NKAIN2: variants seen among roughly 807,000 people sequenced by gnomAD.
The protein encoded by NKAIN2 is sodium/potassium transporting ATPase interacting 2.
Under a neutral mutation model 32.6 loss-of-function variants are expected in NKAIN2, and 14 were observed. The ratio of observed to expected loss-of-function variants is 0.43; its 90% CI spans 0.28 to 0.67. The LOEUF (loss-of-function observed/expected upper bound fraction) is 0.67, where lower values mean the gene tolerates loss of function less well. Among genes scored for constraint, NKAIN2 ranks in the 30% least tolerant of loss-of-function variants. The pLI is 0.17. For missense variants in NKAIN2, 198 were observed against 258.3 expected (o/e 0.77, Z 1.60); for synonymous variants, 80 against 87.2 (o/e 0.92, Z 0.46).
At chr6:124,295,066 G>A (rs1045288706) in intron 2 of NKAIN2, among the ~76,000 whole-genome samples, 4 of 152,014 alleles carry the variant, frequency 2.6e-5, no homozygotes, top group Non-Finnish European at 4.4e-5. Context: ...GAAGTGAAGC[G>A]ACTACCATAT....
At chr6:124,497,096 G>GT (rs900025293) in intron 3 of NKAIN2, among the ~76,000 whole-genome samples, 12 of 152,110 alleles carry the variant, frequency 7.9e-5, no homozygotes, top group Non-Finnish European at 1.5e-4. Flanking sequence ...GGACAAGAAG[G>GT]TTGAAGGCAA....
At chr6:124,667,285 A>G (rs1171479428) in intron 4 of NKAIN2, among the ~76,000 whole-genome samples, 1 of 152,138 alleles carries the variant, frequency 6.6e-6, no homozygotes, top group Admixed American at 6.5e-5. Context: ...TGCAAAAAAA[A>G]TCACCAATAA....
At chr6:123,880,676 G>C (rs1037094349) in intron 1 of NKAIN2, among the ~76,000 whole-genome samples, 1 of 152,186 alleles carries the variant, frequency 6.6e-6, no homozygotes, top group African/African-American at 2.4e-5. Context: ...CTACCAGTTA[G>C]TTAGAACTTA....
At chr6:124,664,895 G>A (rs553161362) in intron 4 of NKAIN2, among the ~76,000 whole-genome samples, 13 of 142,766 alleles carry the variant, frequency 9.1e-5, no homozygotes, top group Non-Finnish European at 1.7e-4. Flanking sequence ...TACATAAAAT[G>A]TTTGATCTTT....
intron 1 of NKAIN2, among the ~76,000 whole-genome samples, chr6:124,221,081 A>C (rs1409805288): frequency 6.6e-6 from 1 of 152,108 alleles, no homozygotes; most frequent in African/African-American, 2.4e-5. Context: ...ACTGTAAATC[A>C]TGCTGCTATA....
At chr6:124,186,014 G>C (rs1312600316) in intron 1 of NKAIN2, among the ~76,000 whole-genome samples, 1 of 151,892 alleles carries the variant, frequency 6.6e-6, no homozygotes, top group East Asian at 1.9e-4. Flanking sequence ...AAAACTGGGG[G>C]CTCCTACCTG....
intron 1 of NKAIN2, among the ~76,000 whole-genome samples, chr6:123,885,677 T>C (rs1773678443): frequency 6.6e-6 from 1 of 152,032 alleles, no homozygotes; most frequent in Non-Finnish European, 1.5e-5. Flanking sequence ...TCTAAGGAAG[T>C]ACAAGAAAGA....
intron 1 of NKAIN2, among the ~76,000 whole-genome samples, chr6:123,807,974 A>G (rs1773290700): frequency 6.6e-6 from 1 of 152,170 alleles, no homozygotes; most frequent in South Asian, 2.1e-4. Context: ...CTATCACAGG[A>G]TTGCTAACCA....
intron 1 of NKAIN2, among the ~76,000 whole-genome samples, chr6:124,015,547 C>A (rs544573856): frequency 3.0e-4 from 46 of 152,058 alleles, no homozygotes; most frequent in Non-Finnish European, 6.2e-4. Context: ...TTTGATAGTT[C>A]ATTAAAGAAC....
intron 4 of NKAIN2, among the ~76,000 whole-genome samples, chr6:124,740,748 A>G (rs560067524): frequency 6.6e-6 from 1 of 151,976 alleles, no homozygotes; most frequent in South Asian, 2.1e-4. Flanking sequence ...AAGAGGAATG[A>G]GAGAGAAGGA....
At chr6:124,299,112 G>A (rs1039939450) in intron 2 of NKAIN2, among the ~76,000 whole-genome samples, 4 of 152,178 alleles carry the variant, frequency 2.6e-5, no homozygotes, top group South Asian at 4.1e-4. Context: ...ATGCCTGTAG[G>A]GAGTCTACTG....
At chr6:124,446,345 GTTT>G (rs1775891934) in intron 3 of NKAIN2, among the ~76,000 whole-genome samples, 1 of 54,202 alleles carries the variant, frequency 1.8e-5, no homozygotes, top group Non-Finnish European at 6.2e-5. Context: ...TTTTTTGTTT[GTTT>G]GTTTGTTTGT....
Position 124,143,247 on chromosome 6 carries a change from C to A in NKAIN2, c.55-139758C>A, listed in dbSNP as rs1449892074. ...GCTGGGGTGGAGGACTGCTTGAAGC[C>A]ATGAGAATGAGACTAGCCTGGGCAA... On this transcript the variant is annotated intron_variant, in intron 1 of 6. Transcript: ENST00000368417. Among the ~76,000 whole-genome samples the A allele has an allele frequency of 3.3e-5, 5 of 152,252 alleles. No individual in the cohort carries two copies. The East Asian group carries it at 7.7e-4, about 24-fold the overall frequency.
chr6:123,931,476 A>T (rs777330450), intron 1 of NKAIN2, among the ~76,000 whole-genome samples: 1 of 152,112 alleles, frequency 6.6e-6, no homozygotes, highest in Non-Finnish European at 1.5e-5. Flanking sequence ...CTTGATAGTT[A>T]ACAGTGGAAC....
chr6:124,193,317 G>C (rs555021372), intron 1 of NKAIN2, among the ~76,000 whole-genome samples: 1 of 152,288 alleles, frequency 6.6e-6, no homozygotes, highest in Admixed American at 6.5e-5. Context: ...GTGAGTGAGC[G>C]AGCATGTGGT....
intron 5 of NKAIN2, among the ~76,000 whole-genome samples, chr6:124,810,173 C>T (rs964921927): frequency 1.3e-5 from 2 of 152,022 alleles, no homozygotes; most frequent in African/African-American, 4.8e-5. Flanking sequence ...GCTATAAAGA[C>T]ACATGCACAC....
chr6:124,702,672 T>C (rs986762202), intron 4 of NKAIN2, among the ~76,000 whole-genome samples: 2 of 152,036 alleles, frequency 1.3e-5, no homozygotes, highest in African/African-American at 4.8e-5. Flanking sequence ...TTGTTCTTTC[T>C]CCATTAAATC....
intron 1 of NKAIN2, among the ~76,000 whole-genome samples, chr6:123,866,010 A>C (rs1775966453): frequency 6.6e-6 from 1 of 152,218 alleles, no homozygotes; most frequent in Admixed American, 6.5e-5. Flanking sequence ...CGTCACTTCC[A>C]AGGGTACCCA....
At chr6:124,553,716 T>G (rs73567566) in intron 3 of NKAIN2, among the ~76,000 whole-genome samples, 187 of 152,346 alleles carry the variant, frequency 1.2e-3, no homozygotes, top group African/African-American at 4.2e-3. Context: ...AGAAGTAACT[T>G]GAAAAATGTC....
Sources: gnomAD v4.1 joint callset for allele counts (sites outside exome capture counted in the v4.1 genomes callset) on GRCh38, gnomAD v4.1.1 for gene constraint, MANE v1.5 for transcripts, NCBI Gene and HGNC (gene_info 2026-07-23, HGNC 2026-07-21) for gene names.